The following HACD2 variants were observed in gnomAD, a reference collection of about 807,000 sequenced individuals.
HACD2 encodes 3-hydroxyacyl-CoA dehydratase 2, also known as very-long-chain (3R)-3-hydroxyacyl-CoA dehydratase 2.
In HACD2, 15 loss-of-function variants were observed where a neutral mutation model predicts 31.0. The ratio of observed to expected loss-of-function variants is 0.48; its 90% CI spans 0.32 to 0.75. The LOEUF is 0.75. Ranked by LOEUF, HACD2 falls within the 30% of genes least tolerant of loss-of-function variation. HACD2 has a pLI of 0.03. For synonymous variants in HACD2, 115 were observed against 122.2 expected, an observed-to-expected ratio of 0.94 and a Z score of 0.39; for missense variants, 283 against 313.0, an observed-to-expected ratio of 0.90 and a Z score of 0.72.
At chr3:123,519,935 A>T (rs533663496) in intron 4 of HACD2, among the ~76,000 whole-genome samples, 114 of 152,356 alleles carry the variant, frequency 7.5e-4, no homozygotes, top group African/African-American at 2.6e-3. Flanking sequence ...GTGAGAAATG[A>T]GAATCTTCAA....
intron 3 of HACD2, among the ~76,000 whole-genome samples, chr3:123,554,843 G>A (rs1423530902): frequency 6.6e-6 from 1 of 152,112 alleles, no homozygotes; most frequent in East Asian, 1.9e-4. Context: ...AGACAAAAAA[G>A]CATTAAATCT....
intron 3 of HACD2, 64 bp downstream of exon 3, chr3:123,567,698 C>CAATAA (rs2056807195): frequency 1.0e-6 from 1 of 1,000,692 alleles, no homozygotes. Context: ...TAAAGCCTAT[C>CAATAA]ATCTATGACT....
At position 123,579,516 on chromosome 3, in the gene HACD2, C is replaced by T. The variant is rs535757881; in HGVS notation, c.273+2696G>A. On this transcript the variant is annotated intron_variant, in intron 2 of 6. Coordinates refer to ENST00000383657, the MANE Select transcript of HACD2 (RefSeq NM_198402.5). ...ATGAGGTCTTGCTATGTTGCTCAAG[C>T]TGGTCTCGAACTCTTGCCCTCAAGT... is the stretch of plus-strand genomic sequence containing the variant. Among the ~76,000 whole-genome samples, 16 of 152,086 alleles carry T rather than the reference C, an allele frequency of 1.1e-4. No homozygotes were observed. The East Asian group carries it at 3.1e-3, about 29-fold the overall frequency.
chr3:123,496,606 C>A (rs539838277), intron 6 of HACD2, among the ~76,000 whole-genome samples: 104 of 152,304 alleles, frequency 6.8e-4, no homozygotes, highest in African/African-American at 2.5e-3. Flanking sequence ...ATTCGACAGG[C>A]AGAGAACTAT....
intron 6 of HACD2, among the ~76,000 whole-genome samples, chr3:123,497,643 G>A (rs1490017459): frequency 6.6e-6 from 1 of 152,152 alleles, no homozygotes; most frequent in Non-Finnish European, 1.5e-5. Context: ...CACCAATTTG[G>A]GGGTGGAATG....
chr3:123,491,980 A>T lies in HACD2; in HGVS notation c.*2908T>A, dbSNP rs2055769443. ...GAATAACCAAAAAAATAAGTGAAAA[A>T]TGAGGGCACGATCTCTTCTTACACC... On this transcript the variant is annotated 3_prime_UTR_variant, in exon 7 of 7. Coordinates refer to ENST00000383657, the MANE Select transcript of HACD2 (RefSeq NM_198402.5). 6.6e-6 allele frequency: 1 copy of T among 152,232 alleles called. No individual in the cohort carries two copies. Among genetic ancestry groups the T allele is most frequent in the African/African-American group, 2.4e-5 (1 of 41,462 alleles). The allele number at this position is 152,232 out of a possible 1,614,324, so 9.4% of individuals were successfully genotyped here.
intron 4 of HACD2, among the ~76,000 whole-genome samples, chr3:123,503,176 A>G (rs987052331): frequency 6.6e-6 from 1 of 151,638 alleles, no homozygotes; most frequent in Non-Finnish European, 1.5e-5. Flanking sequence ...GAGGCAGGAG[A>G]GTCGCTTGAA....
intron 3 of HACD2, among the ~76,000 whole-genome samples, chr3:123,541,610 C>CA (rs995396866): frequency 4.6e-5 from 7 of 152,094 alleles, no homozygotes; most frequent in African/African-American, 9.7e-5. Context: ...TGTTGGCTGT[C>CA]AGAGTTGGAA....
chr3:123,527,427 G>A (rs547967449), intron 4 of HACD2, among the ~76,000 whole-genome samples: 6 of 152,286 alleles, frequency 3.9e-5, no homozygotes, highest in South Asian at 2.1e-4. Context: ...CCTAGGACAC[G>A]AATCTTCCCT....
At chr3:123,555,679 C>T (rs758125694) in intron 3 of HACD2, among the ~76,000 whole-genome samples, 2 of 152,140 alleles carry the variant, frequency 1.3e-5, no homozygotes, top group African/African-American at 2.4e-5. Context: ...AGATTCAACA[C>T]AATCCCACTC....
chr3:123,550,270 C>A (rs188211742), intron 3 of HACD2, among the ~76,000 whole-genome samples: 2 of 152,182 alleles, frequency 1.3e-5, no homozygotes, highest in African/African-American at 2.4e-5. Context: ...AAAGAACAGG[C>A]GCAGGATCAA....
chr3:123,527,941 G>A (rs1295528851), intron 4 of HACD2, among the ~76,000 whole-genome samples: 1 of 152,222 alleles, frequency 6.6e-6, no homozygotes, highest in African/African-American at 2.4e-5. Context: ...CCTTGGATAA[G>A]AGGGAACTAC....
At chr3:123,534,169 C>A (rs183854025) in intron 3 of HACD2, among the ~76,000 whole-genome samples, 21 of 152,250 alleles carry the variant, frequency 1.4e-4, no homozygotes, top group Admixed American at 4.6e-4. Context: ...ACTAGAAATC[C>A]TCCCTGCCTG....
At chr3:123,538,796 T>C (rs573748751) in intron 3 of HACD2, among the ~76,000 whole-genome samples, 10 of 152,352 alleles carry the variant, frequency 6.6e-5, no homozygotes, top group Admixed American at 3.9e-4. Context: ...AGCATGATGA[T>C]TGTGATGTTA....
At chr3:123,582,352 T>C in intron 1 of HACD2, 23 bp from the exon 2 acceptor site, 1 of 1,481,612 alleles carries the variant, frequency 6.7e-7, no homozygotes, top group Non-Finnish European at 9.1e-7. Flanking sequence ...AAAACAGCAA[T>C]CAGGAAAAAA....
intron 2 of HACD2, among the ~76,000 whole-genome samples, chr3:123,575,072 G>A (rs1035495718): frequency 7.3e-5 from 11 of 151,498 alleles, no homozygotes; most frequent in African/African-American, 2.4e-4. Context: ...CTAGCCATAT[G>A]TGCCTATTTA....
chr3:123,520,276 C>T (rs1306430291), intron 4 of HACD2, among the ~76,000 whole-genome samples: 1 of 152,138 alleles, frequency 6.6e-6, no homozygotes, highest in Non-Finnish European at 1.5e-5. Flanking sequence ...TATAAATTTT[C>T]TTTTGTTCCT....
intron 3 of HACD2, among the ~76,000 whole-genome samples, chr3:123,544,161 T>C (rs952964035): frequency 6.6e-6 from 1 of 151,986 alleles, no homozygotes; most frequent in Admixed American, 6.6e-5. Flanking sequence ...CCACAGAACA[T>C]GGAAAGAGCC....
intron 3 of HACD2, among the ~76,000 whole-genome samples, chr3:123,561,558 T>G (rs2056729115): frequency 6.6e-6 from 1 of 152,172 alleles, no homozygotes; most frequent in African/African-American, 2.4e-5. Context: ...GTGTCACATC[T>G]TACCAAGAGT....
Sources: gnomAD v4.1 joint callset for allele counts (sites outside exome capture counted in the v4.1 genomes callset) on GRCh38, gnomAD v4.1.1 for gene constraint, MANE v1.5 for transcripts, NCBI Gene and HGNC (gene_info 2026-07-23, HGNC 2026-07-21) for gene names.